Variants in KIRREL3 observed in about 807,000 individuals in gnomAD.
KIRREL3 encodes the protein kirre like nephrin family adhesion molecule 3.
A neutral mutation model predicts 89.7 loss-of-function variants in KIRREL3; 36 were observed. The observed-to-expected ratio is 0.40, with a 90% CI of 0.31 to 0.53. KIRREL3 has a LOEUF of 0.53. Ranked by LOEUF, KIRREL3 falls within the 20% of genes least tolerant of loss-of-function variation. The probability of loss-of-function intolerance (pLI) is 0.49; values close to 1 mark genes in which losing one functional copy is unlikely to be tolerated. For synonymous variants in KIRREL3, 445 were observed against 441.4 expected, an observed-to-expected ratio of 1.01 and a Z score of -0.10; for missense variants, 864 against 1,056.6, an observed-to-expected ratio of 0.82 and a Z score of 2.53.
intron 1 of KIRREL3, among the ~76,000 whole-genome samples, chr11:126,691,107 C>T (rs1286150842): frequency 6.6e-6 from 1 of 152,174 alleles, no homozygotes. Context: ...ACCAATCTCA[C>T]CCACTCGGCT....
chr11:126,923,242 TCTTCTTCTTCTTCTTCTTCTTCTTCTC>T lies in KIRREL3; in HGVS notation c.55+77186_55+77212del, dbSNP rs1565424018. On this transcript the variant is annotated intron_variant, in intron 1 of 16. Transcript: ENST00000525144. The stretch of plus-strand genomic sequence containing the variant: ...TTCTTCTTCTTCTTCTTCTTCTTCT[TCTTCTTCTTCTTCTTCTTCTTCTTCTC>T]CTTCTCCTTCTCCTTCTCCTTCTCC... 3.1e-3 allele frequency among the ~76,000 whole-genome samples: 180 copies of T among 58,966 alleles called. 10 individuals are homozygous for T. Among genetic ancestry groups the T allele is most frequent in the African/African-American group, 4.8e-3 (73 of 15,162 alleles). 38.7% of individuals were successfully genotyped at this position (58,966 alleles called of 152,430 possible). A position where few individuals can be genotyped will look rare whatever the true frequency, so the allele number is the denominator to read the frequency against.
chr11:126,548,452 C>T (rs1938993568), intron 2 of KIRREL3, among the ~76,000 whole-genome samples: 1 of 152,226 alleles, frequency 6.6e-6, no homozygotes, highest in Non-Finnish European at 1.5e-5. Flanking sequence ...CCTACAGGAG[C>T]TGGTGCAGAA....
intron 1 of KIRREL3, among the ~76,000 whole-genome samples, chr11:126,616,307 G>A (rs921359854): frequency 6.6e-6 from 1 of 152,186 alleles, no homozygotes; most frequent in African/African-American, 2.4e-5. Flanking sequence ...AAACAAGTTC[G>A]TGGGAATGGT....
Position 126,778,308 on chromosome 11 carries a change from G to A in KIRREL3, c.56-215396C>T, listed in dbSNP as rs2018760388. 6.6e-6 allele frequency among the ~76,000 whole-genome samples: 1 copy of A among 152,116 alleles called. No homozygotes were observed. Among genetic ancestry groups the A allele is most frequent in the Non-Finnish European group, 1.5e-5 (1 of 68,024 alleles). On this transcript the variant is annotated intron_variant, in intron 1 of 16. Transcript: ENST00000525144. The surrounding 1 kb of genome is among the most constrained non-coding windows in gnomAD (Gnocchi z 4.5). ...GGAAACTAGTGCAAGAGGAGGCCAG[G>A]GGATTTGTCTTGAAGTTGTGTTTGC...
chr11:127,002,042 CAGT>C (rs1950324574), upstream of KIRREL3, among the ~76,000 whole-genome samples: 1 of 152,164 alleles, frequency 6.6e-6, no homozygotes, highest in African/African-American at 2.4e-5. Context: ...TTTCCTCTTT[CAGT>C]AGTAGCACAT....
chr11:126,512,789 G>T (rs556089852), intron 4 of KIRREL3, among the ~76,000 whole-genome samples: 1 of 152,316 alleles, frequency 6.6e-6, no homozygotes, highest in African/African-American at 2.4e-5. Context: ...CAGGAGGAAG[G>T]GAAGAGGAAC....
rs1948875288 is a variant in KIRREL3 at position 126,954,767 on chromosome 11, G to A, written c.55+45688C>T. 6.6e-6 allele frequency among the ~76,000 whole-genome samples: 1 copy of A among 152,146 alleles called. No individual in the cohort carries two copies. Among genetic ancestry groups the A allele is most frequent in the Admixed American group, 6.5e-5 (1 of 15,274 alleles). On this transcript the variant is annotated intron_variant, in intron 1 of 16. Transcript: ENST00000525144. This position sits in a 1 kb window ranked among gnomAD's most constrained non-coding sequence, Gnocchi z 4.1. ...TAGGCTTCATCCCTGTAGATGGCCT[G>A]GCTTACCCTTGAACAACTTTATCAG...
chr11:126,938,442 T>C (rs1245254817), intron 1 of KIRREL3, among the ~76,000 whole-genome samples: 1 of 152,180 alleles, frequency 6.6e-6, no homozygotes, highest in East Asian at 1.9e-4. Flanking sequence ...CTAAGAAAGG[T>C]CAAGTAAATT....
At chr11:126,946,000 A>C (rs1034989629) in intron 1 of KIRREL3, among the ~76,000 whole-genome samples, 3 of 152,160 alleles carry the variant, frequency 2.0e-5, no homozygotes, top group African/African-American at 7.2e-5. Flanking sequence ...CCCTGGATGG[A>C]AGTCCTGTGG....
Position 126,628,715 on chromosome 11 carries a change from C to T in KIRREL3, c.56-65803G>A, listed in dbSNP as rs919613589. ...TCTCCTGAAAGACTAATACTAAGCA[C>T]TCTTATCTCACCCCTTCCCATCTTT... On this transcript the variant is annotated intron_variant, in intron 1 of 16. Transcript: ENST00000525144. This position sits in a 1 kb window ranked among gnomAD's most constrained non-coding sequence, Gnocchi z 5.2. Among the ~76,000 whole-genome samples, 6 of 152,200 alleles carry T rather than the reference C, an allele frequency of 3.9e-5. No individual in the cohort carries two copies. The highest frequency in any genetic ancestry group is 1.4e-4 in the African/African-American group (6 of 41,452).
In KIRREL3 at chr11:126,807,742, A is replaced by G. The variant is rs1193787003; in HGVS notation, c.55+192713T>C. 1.3e-5 allele frequency among the ~76,000 whole-genome samples: 2 copies of G among 152,246 alleles called. No homozygotes were observed. Among genetic ancestry groups the G allele is most frequent in the East Asian group, 1.9e-4 (1 of 5,176 alleles). On this transcript the variant is annotated intron_variant, in intron 1 of 16. Coordinates refer to ENST00000525144, the MANE Select transcript of KIRREL3 (RefSeq NM_032531.4). The surrounding 1 kb of genome is among the most constrained non-coding windows in gnomAD (Gnocchi z 4.3). Reference sequence around the variant, plus strand: ...TAGGAGGCTTCTGAGATTCTTCTACATGTCTACTCTGATGTGGTTGGAGAG... The same window carrying G: ...TAGGAGGCTTCTGAGATTCTTCTACGTGTCTACTCTGATGTGGTTGGAGAG...
At chr11:126,960,690 G>A (rs1949059116) in intron 1 of KIRREL3, among the ~76,000 whole-genome samples, 1 of 152,080 alleles carries the variant, frequency 6.6e-6, no homozygotes, top group African/African-American at 2.4e-5. Context: ...TCTTACTTTT[G>A]AAGAACTCCA....
intron 1 of KIRREL3, among the ~76,000 whole-genome samples, chr11:126,586,879 T>C (rs1291492319): frequency 6.6e-6 from 1 of 152,074 alleles, no homozygotes; most frequent in Non-Finnish European, 1.5e-5. Context: ...TGTAGAGAGA[T>C]CTTGAGGCAG....
Position 126,887,186 on chromosome 11 carries a change from T to C in KIRREL3, c.55+113269A>G, listed in dbSNP as rs542954942. ...TTTGGAAATGATTGCTTCTGAATAA[T>C]TGAGGTATCATGTCATCTGCAACAT... On this transcript the variant is annotated intron_variant, in intron 1 of 16. Transcript: ENST00000525144. Among the ~76,000 whole-genome samples, 80 of 152,256 alleles carry C rather than the reference T, an allele frequency of 5.3e-4. No individual in the cohort carries two copies. The South Asian group carries it at 6.2e-3, about 12-fold the overall frequency.
intron 1 of KIRREL3, among the ~76,000 whole-genome samples, chr11:126,572,046 G>A (rs1940970169): frequency 6.6e-6 from 1 of 152,170 alleles, no homozygotes; most frequent in Non-Finnish European, 1.5e-5. Context: ...GTTTGAATGG[G>A]GCCAGATGCT....
At position 126,432,713 on chromosome 11, in the gene KIRREL3, T is replaced by G. The variant is rs1417166492; in HGVS notation, c.1589-1187A>C. Among the ~76,000 whole-genome samples, 1 of 152,090 alleles carries G rather than the reference T, an allele frequency of 6.6e-6. No homozygotes were observed. ...CATCCCTTCTGCTGAGCAACTGACT[T>G]TGCCTCTCTTATATCTGTAGGATGG... On this transcript the variant is annotated intron_variant, in intron 13 of 16. Coordinates refer to ENST00000525144, the MANE Select transcript of KIRREL3 (RefSeq NM_032531.4). The surrounding 1 kb of genome is among the most constrained non-coding windows in gnomAD (Gnocchi z 6.2).
In KIRREL3 at chr11:126,685,913, T is replaced by A. The variant is rs1946647542; in HGVS notation, c.56-123001A>T. On this transcript the variant is annotated intron_variant, in intron 1 of 16. Transcript: ENST00000525144. This position sits in a 1 kb window ranked among gnomAD's most constrained non-coding sequence, Gnocchi z 5.5. ...GGCTCTTCACGTGGCATCCTGTGCCTGCTCAATGCTGAATCTGCTTCCCAT... is the reference window on the plus strand; with the variant it reads ...GGCTCTTCACGTGGCATCCTGTGCCAGCTCAATGCTGAATCTGCTTCCCAT... Among the ~76,000 whole-genome samples, 1 of 152,226 alleles carries A rather than the reference T, an allele frequency of 6.6e-6. No homozygotes were observed. Among genetic ancestry groups the A allele is most frequent in the Admixed American group, 6.5e-5 (1 of 15,292 alleles).
At chr11:126,902,990 T>TA (rs60361441) in intron 1 of KIRREL3, among the ~76,000 whole-genome samples, 13 of 152,006 alleles carry the variant, frequency 8.6e-5, no homozygotes, top group East Asian at 3.9e-4. Context: ...ATACTTTTTT[T>TA]AAAAAAAAGG....
chr11:126,851,736 C>T (rs1371007900), intron 1 of KIRREL3, among the ~76,000 whole-genome samples: 1 of 152,126 alleles, frequency 6.6e-6, no homozygotes, highest in Non-Finnish European at 1.5e-5. Flanking sequence ...CCAGTGAAAG[C>T]GATTAAGACA....
Sources: gnomAD v4.1 joint callset for allele counts (sites outside exome capture counted in the v4.1 genomes callset) on GRCh38, gnomAD v4.1.1 for gene constraint, Gnocchi (gnomAD v3.1) non-coding constraint, MANE v1.5 for transcripts, NCBI Gene and HGNC (gene_info 2026-07-23, HGNC 2026-07-21) for gene names.